The following KCNU1 variants were observed in gnomAD, a reference collection of about 807,000 sequenced individuals.
The protein encoded by KCNU1 is potassium channel subfamily U member 1.
KCNU1 carries 93 observed loss-of-function variants against 126.8 expected under a neutral mutation model. The observed-to-expected ratio is 0.73, with a 90% CI of 0.62 to 0.87. The LOEUF is 0.87. KCNU1 is among the 40% of genes least tolerant of loss of function. KCNU1 has a pLI of 0.00. For synonymous variants in KCNU1, 523 were observed against 494.2 expected (o/e 1.06, Z -0.77); for missense variants, 1,330 against 1,367.1 (o/e 0.97, Z 0.43).
chr8:36,809,270 G>T (rs1334107235), intron 7 of KCNU1, among the ~76,000 whole-genome samples: 1 of 152,120 alleles, frequency 6.6e-6, no homozygotes, highest in Non-Finnish European at 1.5e-5. Flanking sequence ...CTGTAGGAAA[G>T]TCTGGTTCTT....
chr8:36,880,752 T>C (rs886950305), intron 19 of KCNU1, among the ~76,000 whole-genome samples: 9 of 152,304 alleles, frequency 5.9e-5, no homozygotes, highest in African/African-American at 1.9e-4. Flanking sequence ...ATGCATGTTT[T>C]TCCTGAGTGC....
chr8:36,871,025 C>T (rs1806082772), intron 19 of KCNU1, among the ~76,000 whole-genome samples: 1 of 152,146 alleles, frequency 6.6e-6, no homozygotes, highest in African/African-American at 2.4e-5. Context: ...ACCAGAATCC[C>T]TAGCAGGGCT....
chr8:36,935,619 TCTC>T lies in KCNU1; in HGVS notation c.3150_3152del (p.Phe1050_Ser1051delinsLeu). ...GCTTGTTATAAAAGGAATGAAGAGT[TCTC>T]ATTGCAAAAGTCATATGAAATTGTA... On this transcript the variant is annotated inframe_deletion, in exon 27 of 27. Transcript: ENST00000399881. 1 of 1,613,314 alleles carries T rather than the reference TCTC, an allele frequency of 6.2e-7. No homozygotes were observed.
At chr8:36,849,184 T>G (rs1357453023) in intron 18 of KCNU1, among the ~76,000 whole-genome samples, 1 of 152,046 alleles carries the variant, frequency 6.6e-6, no homozygotes, top group Non-Finnish European at 1.5e-5. Context: ...TTACCTATAC[T>G]GGTCATTTCA....
At chr8:36,881,288 G>C (rs1261137154) in intron 19 of KCNU1, among the ~76,000 whole-genome samples, 1 of 152,164 alleles carries the variant, frequency 6.6e-6, no homozygotes, top group African/African-American at 2.4e-5. Flanking sequence ...CTGTCATCTA[G>C]GCTGGAGTGC....
At chr8:36,799,711 T>TG (rs1280839626) in intron 2 of KCNU1, among the ~76,000 whole-genome samples, 1 of 151,654 alleles carries the variant, frequency 6.6e-6, no homozygotes, top group African/African-American at 2.4e-5. Context: ...TTTTTTTTTT[T>TG]TTGTATTTTT....
intron 22 of KCNU1, among the ~76,000 whole-genome samples, chr8:36,918,590 C>T (rs910147051): frequency 6.7e-5 from 10 of 148,194 alleles, no homozygotes; most frequent in African/African-American, 1.0e-4. Flanking sequence ...AGAAGAAAGA[C>T]CCCCCCACCA....
At chr8:36,901,002 A>G (rs1807396514) in intron 19 of KCNU1, among the ~76,000 whole-genome samples, 1 of 152,086 alleles carries the variant, frequency 6.6e-6, no homozygotes, top group African/African-American at 2.4e-5. Context: ...TGGGGTTTTA[A>G]GGAAATTTCA....
rs990829341 is a variant in KCNU1 at position 36,872,302 on chromosome 8, G to T, written c.2009+7781G>T. ...TTTCAGGTGTCAACGTATAGGGGAG[G>T]TATAATTTTAGGCAACATCCAATAA... On this transcript the variant is annotated intron_variant, in intron 19 of 26. Coordinates refer to ENST00000399881, the MANE Select transcript of KCNU1 (RefSeq NM_001031836.3). Among the ~76,000 whole-genome samples the T allele has an allele frequency of 2.6e-5, 4 of 152,092 alleles. No homozygotes were observed. In the East Asian group the frequency reaches 5.8e-4, roughly 22 times the overall value.
chr8:36,844,097 G>T (rs763655207), intron 16 of KCNU1, among the ~76,000 whole-genome samples: 5 of 152,104 alleles, frequency 3.3e-5, no homozygotes, highest in Admixed American at 3.3e-4. Flanking sequence ...TGAAAGGAGC[G>T]GCCAGGCGCA....
At chr8:36,807,497 G>A (rs1393457485) in intron 6 of KCNU1, 47 bp downstream of exon 6, 1 of 1,319,112 alleles carries the variant, frequency 7.6e-7, no homozygotes. Context: ...GTTTGGATTA[G>A]AAAATGAATG....
At chr8:36,843,837 C>A (rs561949559) in intron 16 of KCNU1, among the ~76,000 whole-genome samples, 1 of 152,270 alleles carries the variant, frequency 6.6e-6, no homozygotes, top group Non-Finnish European at 1.5e-5. Context: ...TTGTCACCTG[C>A]TAACAGATGA....
At chr8:36,814,135 TTTTGCCTA>T in intron 7 of KCNU1, 64 bp from the exon 8 acceptor site, 1 of 1,146,466 alleles carries the variant, frequency 8.7e-7, no homozygotes, top group African/African-American at 1.5e-5. Context: ...TAATCTAATG[TTTTGCCTA>T]TTCTTTAAAA....
At chr8:36,864,046 G>A (rs1447678472) in intron 18 of KCNU1, among the ~76,000 whole-genome samples, 1 of 152,140 alleles carries the variant, frequency 6.6e-6, no homozygotes, top group Non-Finnish European at 1.5e-5. Context: ...TCTGCAGGAA[G>A]GAGACAGGAT....
intron 2 of KCNU1, among the ~76,000 whole-genome samples, chr8:36,788,886 A>G (rs1005326861): frequency 6.6e-6 from 1 of 152,218 alleles, no homozygotes; most frequent in Non-Finnish European, 1.5e-5. Flanking sequence ...AAGGGAACTT[A>G]CAACATCCAT....
chr8:36,857,118 A>G (rs1476235090), intron 18 of KCNU1, among the ~76,000 whole-genome samples: 1 of 152,188 alleles, frequency 6.6e-6, no homozygotes, highest in Non-Finnish European at 1.5e-5. Flanking sequence ...TTGAAGTGAC[A>G]CACCTGTTTT....
intron 19 of KCNU1, among the ~76,000 whole-genome samples, chr8:36,882,676 C>G (rs554379322): frequency 1.7e-4 from 26 of 152,160 alleles, no homozygotes; most frequent in African/African-American, 6.0e-4. Context: ...CTCCTCCTCC[C>G]AGGTTCAAGC....
At chr8:36,922,391 TC>T (rs1262026896) in intron 23 of KCNU1, 98 bp from the exon 24 acceptor site, 77 of 1,271,312 alleles carry the variant, frequency 6.1e-5, no homozygotes, top group Non-Finnish European at 8.3e-5. Flanking sequence ...AGACATCAGA[TC>T]TTTTGATCAA....
At chr8:36,889,805 T>C (rs1202431331) in intron 19 of KCNU1, among the ~76,000 whole-genome samples, 3 of 151,836 alleles carry the variant, frequency 2.0e-5, no homozygotes, top group Non-Finnish European at 4.4e-5. Context: ...ACAAAATATA[T>C]ACAACTATGC....
Sources: gnomAD v4.1 joint callset for allele counts (sites outside exome capture counted in the v4.1 genomes callset) on GRCh38, gnomAD v4.1.1 for gene constraint, MANE v1.5 for transcripts, NCBI Gene and HGNC (gene_info 2026-07-23, HGNC 2026-07-21) for gene names.